Variants in STK11IP observed in about 807,000 individuals in gnomAD.
The protein encoded by STK11IP is serine/threonine-protein kinase 11-interacting protein.
A neutral mutation model predicts 131.7 loss-of-function variants in STK11IP; 103 were observed. That is an observed-to-expected ratio of 0.78 (90% confidence interval 0.67 to 0.92). STK11IP has a LOEUF of 0.92. STK11IP is among the 40% of genes least tolerant of loss of function. STK11IP has a pLI of 0.00. For synonymous variants in STK11IP, 557 were observed against 575.6 expected (o/e 0.97, Z 0.46); for missense variants, 1,315 against 1,385.7 (o/e 0.95, Z 0.81).
In STK11IP at chr2:219,615,647, C is replaced by T. The variant is rs1055363963; in HGVS notation, c.3117+306C>T. ...TGGCAGGATTGGGCCGGTTGTATGCCAGCCGTTTGGCCTTTGTGACCACCA... is the reference window on the plus strand; with the variant it reads ...TGGCAGGATTGGGCCGGTTGTATGCTAGCCGTTTGGCCTTTGTGACCACCA... On this transcript the variant is annotated intron_variant, in intron 24 of 24. Transcript: ENST00000456909. 3.4e-5 allele frequency: 22 copies of T among 650,888 alleles called. No individual in the cohort carries two copies. In the African/African-American group the frequency reaches 3.9e-4, roughly 12 times the overall value. 40.3% of individuals were successfully genotyped at this position (650,888 alleles called of 1,614,324 possible). A position where few individuals can be genotyped will look rare whatever the true frequency, so the allele number is the denominator to read the frequency against.
At chr2:219,598,527 T>C (rs979137674) in intron 2 of STK11IP, 7 of 209,204 alleles carry the variant, frequency 3.3e-5, no homozygotes, top group African/African-American at 1.6e-4. Context: ...ATACAGTAGA[T>C]AGAAGCACGA....
Position 219,609,496 on chromosome 2 carries a change from G to T in STK11IP, c.2060G>T (p.Gly687Val). Residue 687 changes from glycine (G) to valine (V), a missense_variant, in exon 17 of 25, where the codon GGA (glycine) becomes GTA (valine). Gly to Val is a moderately radical substitution (Grantham distance 109). Transcript: ENST00000456909. ...HEFKPEEPRM[G>V]LDSEEGWRPL... is the part of the protein sequence containing the mutation. ...TTCAAGCCAGAGGAGCCCAGGATGGGATTAGACAGTGAGGAAGGCTGGAGG... is the reference window on the plus strand; with the variant it reads ...TTCAAGCCAGAGGAGCCCAGGATGGTATTAGACAGTGAGGAAGGCTGGAGG... The T allele has an allele frequency of 1.3e-6, 2 of 1,596,714 alleles. No individual in the cohort carries two copies. The highest frequency in any genetic ancestry group is 8.5e-7 in the Non-Finnish European group (1 of 1,171,366).
chr2:219,601,829 G>A (rs1390797170), intron 4 of STK11IP, 114 bp downstream of exon 4: 2 of 1,282,494 alleles, frequency 1.6e-6, no homozygotes, highest in African/African-American at 3.0e-5. Context: ...TATACCCATT[G>A]CTCTGCAGTC....
chr2:219,616,208 C>T lies in STK11IP; in HGVS notation c.*15C>T, dbSNP rs1247467964. 1 of 1,610,136 alleles carries T rather than the reference C, an allele frequency of 6.2e-7. No individual in the cohort carries two copies. Among genetic ancestry groups the T allele is most frequent in the Admixed American group, 1.7e-5 (1 of 59,768 alleles). ...TTGACCGATGAGGGTCCCACGCTGA[C>T]CTTGGCCCTGACCTCAGGAGCCACG... On this transcript the variant is annotated 3_prime_UTR_variant, in exon 25 of 25. Coordinates refer to ENST00000456909, the MANE Select transcript of STK11IP (RefSeq NM_052902.4).
In STK11IP at chr2:219,606,000, A is replaced by G; in HGVS notation, c.790A>G (p.Asn264Asp). 1 of 1,609,700 alleles carries G rather than the reference A, an allele frequency of 6.2e-7. No homozygotes were observed. Among genetic ancestry groups the G allele is most frequent in the Non-Finnish European group, 8.5e-7 (1 of 1,178,150 alleles). Residue 264 changes from asparagine (N) to aspartate (D), a missense_variant, in exon 9 of 25, where the codon AAC becomes GAC. Asn to Asp is a conservative substitution (Grantham distance 23, BLOSUM62 1). Transcript: ENST00000456909. Reference protein sequence around the residue: ...RNLRHLDLAYNLLEGHRELSP... With the variant: ...RNLRHLDLAYDLLEGHRELSP... ...TCTGCGGCACCTGGATTTGGCATAC[A>G]ACCTGCTGGAAGGACACCGGGAGCT...
chr2:219,602,130 T>C (rs747250757), intron 5 of STK11IP, 47 bp downstream of exon 5: 1 of 1,388,396 alleles, frequency 7.2e-7, no homozygotes, highest in Non-Finnish European at 1.0e-6. Flanking sequence ...TTGAGAGATG[T>C]AGAAGACCAA....
Position 219,605,964 on chromosome 2 carries a change from C to G in STK11IP, c.754C>G (p.Gln252Glu). ...TCTTGCGTCCACCCCAGGCCTAGAGCAGCTGAGGAATCTGCGGCACCTGGA... is the reference window on the plus strand; with the variant it reads ...TCTTGCGTCCACCCCAGGCCTAGAGGAGCTGAGGAATCTGCGGCACCTGGA... ...NELRSLHGLE[Q>E]LRNLRHLDLA... Residue 252 changes from glutamine to glutamate, a missense_variant, in exon 9 of 25, where the codon CAG becomes GAG. Gln to Glu is a conservative substitution (Grantham distance 29). Transcript: ENST00000456909. The G allele has an allele frequency of 6.2e-7, 1 of 1,603,730 alleles. No individual in the cohort carries two copies. Among genetic ancestry groups the G allele is most frequent in the African/African-American group, 1.3e-5 (1 of 74,890 alleles).
Position 219,611,967 on chromosome 2 carries a change from G to A in STK11IP, c.2348G>A (p.Cys783Tyr), listed in dbSNP as rs1468405697. Residue 783 changes from cysteine to tyrosine, a missense_variant, in exon 19 of 25, where the codon TGT becomes TAT. Transcript: ENST00000456909. ...SWSLSPPPER[C>Y]GLRSVDHRLR... ...TCATTGCCCTCAGCCCCTGAGCGCT[G>A]TGGCCTCCGCTCTGTGGACCACCGA... The A allele has an allele frequency of 3.8e-6, 6 of 1,597,118 alleles. No homozygotes were observed. Among genetic ancestry groups the A allele is most frequent in the Non-Finnish European group, 2.6e-6 (3 of 1,172,846 alleles).
At chr2:219,601,879 A>G in intron 4 of STK11IP, 109 bp from the exon 5 acceptor site, 1 of 1,274,570 alleles carries the variant, frequency 7.8e-7, no homozygotes, top group Non-Finnish European at 1.1e-6. Flanking sequence ...GCTTCCCTAA[A>G]TCATAGCTGG....
chr2:219,603,686 A>T (rs1368329672), intron 7 of STK11IP, among the ~76,000 whole-genome samples: 1 of 151,596 alleles, frequency 6.6e-6, no homozygotes, highest in African/African-American at 2.4e-5. Context: ...ATGCCCAGCT[A>T]ATTTTTGTAT....
chr2:219,615,977 A>G (rs916870264), intron 24 of STK11IP, 67 bp from the exon 25 acceptor site: 5 of 1,573,392 alleles, frequency 3.2e-6, no homozygotes, highest in Admixed American at 1.8e-5. Context: ...CTTCGCAGAG[A>G]CCTCCCTTGT....
chr2:219,613,606 A>C, intron 20 of STK11IP, 146 bp from the exon 21 acceptor site: 1 of 646,356 alleles, frequency 1.5e-6, no homozygotes, highest in Non-Finnish European at 2.4e-6. Context: ...TGAGTGAGGG[A>C]GGAGATGGAA....
In STK11IP at chr2:219,609,485, G is replaced by A; in HGVS notation, c.2049G>A (p.Glu683=). 1 of 1,602,110 alleles carries A rather than the reference G, an allele frequency of 6.2e-7. No homozygotes were observed. Among genetic ancestry groups the A allele is most frequent in the Non-Finnish European group, 8.5e-7 (1 of 1,174,268 alleles). Reference sequence around the variant, plus strand: ...GTGGCCATGAGTTCAAGCCAGAGGAGCCCAGGATGGGATTAGACAGTGAGG... The same window carrying A: ...GTGGCCATGAGTTCAAGCCAGAGGAACCCAGGATGGGATTAGACAGTGAGG... ...LRCGHEFKPE[E]PRMGLDSEEG... The change falls in exon 17 of 25, where the codon GAG becomes GAA. Residue 683 remains glutamate (E), a synonymous_variant. Transcript: ENST00000456909.
chr2:219,604,967 T>G (rs891305756), intron 7 of STK11IP, among the ~76,000 whole-genome samples: 1 of 152,142 alleles, frequency 6.6e-6, no homozygotes, highest in Admixed American at 6.5e-5. Context: ...GTAGCTGGGA[T>G]TACAAGTGTG....
At position 219,607,126 on chromosome 2, in the gene STK11IP, C is replaced by G. The variant is rs763147026; in HGVS notation, c.1208C>G (p.Pro403Arg). Reference sequence around the variant, plus strand: ...GACCCGGAGCCCCGAACTCTGAACCCCTCTCCGGCTGGTAAGTCAGCTTCA... The same window carrying G: ...GACCCGGAGCCCCGAACTCTGAACCGCTCTCCGGCTGGTAAGTCAGCTTCA... ...DTDPEPRTLN[P>R]SPAGWFVQQH... The change falls in exon 13 of 25, where the codon CCC becomes CGC. Residue 403 changes from proline (P) to arginine (R), a missense_variant. Coordinates refer to ENST00000456909, the MANE Select transcript of STK11IP (RefSeq NM_052902.4). 4.3e-6 allele frequency: 7 copies of G among 1,613,796 alleles called. No individual in the cohort carries two copies. The Admixed American group carries it at 8.3e-5, about 19-fold the overall frequency.
At chr2:219,606,615 T>C (rs1698173041) in intron 11 of STK11IP, 97 bp from the exon 12 acceptor site, 5 of 1,603,570 alleles carry the variant, frequency 3.1e-6, no homozygotes, top group African/African-American at 2.7e-5. Flanking sequence ...GTCTTCCTGG[T>C]CAGTGGAAAG....
In STK11IP at chr2:219,616,299, C is replaced by T. The variant is rs1698567076; in HGVS notation, c.*106C>T. ...AGGCTCTGGCTGTGGATGTCTTCAG[C>T]CTCTGGGTGCTGGCCAGTGAGGTCC... On this transcript the variant is annotated 3_prime_UTR_variant, in exon 25 of 25. Coordinates refer to ENST00000456909, the MANE Select transcript of STK11IP (RefSeq NM_052902.4). 4 of 1,421,704 alleles carry T rather than the reference C, an allele frequency of 2.8e-6. No homozygotes were observed. In the African/African-American group the frequency reaches 4.3e-5, roughly 15 times the overall value. The allele number at this position is 1,421,704 out of a possible 1,614,324, so 88.1% of individuals were successfully genotyped here. A position where few individuals can be genotyped will look rare whatever the true frequency, so the allele number is the denominator to read the frequency against.
chr2:219,610,793 CAGTA>C (rs1173062526), intron 17 of STK11IP, among the ~76,000 whole-genome samples: 10 of 152,158 alleles, frequency 6.6e-5, no homozygotes, highest in Admixed American at 2.0e-4. Flanking sequence ...TTAAATGTGA[CAGTA>C]AGGCACCAAG....
intron 1 of STK11IP, 36 bp from the exon 2 acceptor site, chr2:219,598,054 GCCCA>G: frequency 1.9e-6 from 3 of 1,563,576 alleles, no homozygotes; most frequent in Non-Finnish European, 2.6e-6. Flanking sequence ...TGGCACTACC[GCCCA>G]CCTGAGGCTC....
Sources: gnomAD v4.1 joint callset for allele counts (sites outside exome capture counted in the v4.1 genomes callset) on GRCh38, gnomAD v4.1.1 for gene constraint, MANE v1.5 for transcripts, NCBI Gene and HGNC (gene_info 2026-07-23, HGNC 2026-07-21) for gene names.